Variants in CCSER1 observed in about 807,000 individuals in gnomAD.
CCSER1 encodes the protein coiled-coil serine rich protein 1.
Under a neutral mutation model 82.0 loss-of-function variants are expected in CCSER1, and 41 were observed. The observed-to-expected ratio is 0.50, with a 90% CI of 0.39 to 0.65. The LOEUF (loss-of-function observed/expected upper bound fraction) is 0.65. Ranked by LOEUF, CCSER1 falls within the 30% of genes least tolerant of loss-of-function variation. The pLI is 0.00. For synonymous variants in CCSER1, 414 were observed against 383.9 expected (o/e 1.08, Z -0.92); for missense variants, 1,119 against 1,064.2 (o/e 1.05, Z -0.72).
At chr4:90,271,812 T>G in intron 1 of CCSER1, among the ~76,000 whole-genome samples, 1 of 118,652 alleles carries the variant, frequency 8.4e-6, no homozygotes, top group East Asian at 2.6e-4. Flanking sequence ...AGATACTACC[T>G]GAGACTGGAC....
At chr4:90,348,509 GGCATGCTATATTCCA>G (rs1402449838) in intron 3 of CCSER1, among the ~76,000 whole-genome samples, 1 of 151,746 alleles carries the variant, frequency 6.6e-6, no homozygotes, top group African/African-American at 2.4e-5. Flanking sequence ...TGTTTTTCAG[GGCATGCTATATTCCA>G]GCTACATTGT....
chr4:91,070,745 C>A (rs1721338938), intron 9 of CCSER1, among the ~76,000 whole-genome samples: 1 of 152,158 alleles, frequency 6.6e-6, no homozygotes, highest in South Asian at 2.1e-4. Flanking sequence ...TCCTCACCCC[C>A]AGCGGTGGAA....
chr4:91,265,897 TCA>T (rs1741532175), intron 10 of CCSER1, among the ~76,000 whole-genome samples: 1 of 152,164 alleles, frequency 6.6e-6, no homozygotes, highest in Non-Finnish European at 1.5e-5. Context: ...TTTAATGGTC[TCA>T]CAGTTTCACG....
At chr4:90,667,985 G>GAGTT (rs1732121180) in intron 6 of CCSER1, among the ~76,000 whole-genome samples, 1 of 152,178 alleles carries the variant, frequency 6.6e-6, no homozygotes, top group East Asian at 1.9e-4. Flanking sequence ...TAACCTCATA[G>GAGTT]AGTTAGGTAT....
At chr4:90,202,729 G>A (rs186069055) in intron 1 of CCSER1, among the ~76,000 whole-genome samples, 3 of 152,244 alleles carry the variant, frequency 2.0e-5, no homozygotes, top group African/African-American at 7.2e-5. Context: ...TTCTAATTCT[G>A]TCTTTCTGAT....
chr4:91,434,907 T>A (rs2149397592), intron 10 of CCSER1, among the ~76,000 whole-genome samples: 1 of 152,354 alleles, frequency 6.6e-6, no homozygotes, highest in African/African-American at 2.4e-5. Context: ...CTATATTCTT[T>A]ACTTTTTAGT....
At chr4:91,576,590 G>T (rs1265875176) in intron 10 of CCSER1, among the ~76,000 whole-genome samples, 1 of 151,920 alleles carries the variant, frequency 6.6e-6, no homozygotes, top group Non-Finnish European at 1.5e-5. Context: ...GCATTTTAGA[G>T]TTGGAGTTTT....
At chr4:91,210,862 G>T (rs921368086) in intron 10 of CCSER1, among the ~76,000 whole-genome samples, 3 of 151,784 alleles carry the variant, frequency 2.0e-5, no homozygotes, top group African/African-American at 7.3e-5. Flanking sequence ...TAATATTGAT[G>T]ATTTTATTGT....
chr4:90,822,025 G>A (rs1759794858), intron 8 of CCSER1, among the ~76,000 whole-genome samples: 1 of 152,032 alleles, frequency 6.6e-6, no homozygotes, highest in Non-Finnish European at 1.5e-5. Flanking sequence ...TGAAGAGTGT[G>A]TACCATACGA....
chr4:91,062,347 T>C (rs1444213985), intron 9 of CCSER1, among the ~76,000 whole-genome samples: 1 of 152,128 alleles, frequency 6.6e-6, no homozygotes, highest in African/African-American at 2.4e-5. Context: ...TGCTTAGTTA[T>C]GCGAGTCCAA....
At chr4:91,178,436 A>G (rs961010284) in intron 10 of CCSER1, among the ~76,000 whole-genome samples, 5 of 151,922 alleles carry the variant, frequency 3.3e-5, no homozygotes, top group South Asian at 2.1e-4. Context: ...TTATTGTGTG[A>G]GAGTCTAAGT....
At chr4:90,425,044 C>T (rs1467479065) in intron 4 of CCSER1, among the ~76,000 whole-genome samples, 1 of 152,088 alleles carries the variant, frequency 6.6e-6, no homozygotes, top group Non-Finnish European at 1.5e-5. Flanking sequence ...TTTATGTGAT[C>T]CAGTTGGTCT....
chr4:90,289,318 T>C (rs1730488212), intron 1 of CCSER1, among the ~76,000 whole-genome samples: 1 of 151,952 alleles, frequency 6.6e-6, no homozygotes, highest in Non-Finnish European at 1.5e-5. Context: ...ATAGGAAATT[T>C]GTTAATGGTT....
intron 10 of CCSER1, among the ~76,000 whole-genome samples, chr4:91,567,659 G>A (rs778380220): frequency 6.6e-6 from 1 of 151,870 alleles, no homozygotes; most frequent in Non-Finnish European, 1.5e-5. Flanking sequence ...GATCTTCGTT[G>A]GTTTGAAATT....
chr4:90,227,663 G>A (rs895112905), intron 1 of CCSER1, among the ~76,000 whole-genome samples: 5 of 152,358 alleles, frequency 3.3e-5, no homozygotes, highest in African/African-American at 7.2e-5. Flanking sequence ...AGCTCCCAGC[G>A]TGAGCGACGC....
At chr4:90,203,766 C>A (rs966105417) in intron 1 of CCSER1, among the ~76,000 whole-genome samples, 1 of 152,136 alleles carries the variant, frequency 6.6e-6, no homozygotes, top group Non-Finnish European at 1.5e-5. Flanking sequence ...GGAATCGCCA[C>A]CCTGTCTTCC....
At chr4:91,394,015 A>G (rs572083733) in intron 10 of CCSER1, among the ~76,000 whole-genome samples, 137 of 152,276 alleles carry the variant, frequency 9.0e-4, no homozygotes, top group African/African-American at 3.1e-3. Flanking sequence ...GAATGAACTT[A>G]TGATCGGTGA....
At chr4:91,446,829 C>T (rs918518790) in intron 10 of CCSER1, among the ~76,000 whole-genome samples, 7 of 151,488 alleles carry the variant, frequency 4.6e-5, no homozygotes, top group Middle Eastern at 3.4e-3. Context: ...TTCAGCTTTG[C>T]GGTTATGATG....
chr4:91,382,460 T>C (rs1054628961), intron 10 of CCSER1, among the ~76,000 whole-genome samples: 5 of 152,218 alleles, frequency 3.3e-5, no homozygotes, highest in African/African-American at 1.2e-4. Flanking sequence ...CTCAGACTAC[T>C]GTGCTAGCAA....
Sources: allele counts gnomAD v4.1 joint callset (sites outside exome capture counted in the v4.1 genomes callset), GRCh38; gene constraint gnomAD v4.1.1; transcripts MANE v1.5; gene names NCBI Gene and HGNC (gene_info 2026-07-23, HGNC 2026-07-21).